The following TSPAN1 variants were observed in gnomAD, a reference collection of about 807,000 sequenced individuals.
TSPAN1 encodes the protein tetraspanin-1.
TSPAN1 carries 23 observed loss-of-function variants against 26.9 expected under a neutral mutation model. That is an observed-to-expected ratio of 0.85 (90% CI 0.62 to 1.21). The LOEUF (loss-of-function observed/expected upper bound fraction) is 1.21. Among genes scored for constraint, TSPAN1 ranks in the 50% most tolerant of loss-of-function variants. The pLI is 0.00. For missense variants in TSPAN1, 283 were observed against 298.4 expected (o/e 0.95, Z 0.38); for synonymous variants, 115 against 114.8 (o/e 1.00, Z -0.01).
At chr1:46,188,933 T>G (rs1210082344), downstream of TSPAN1, 3 of 1,612,838 alleles carry the variant, frequency 1.9e-6, no homozygotes, top group Non-Finnish European at 2.5e-6. Flanking sequence ...CGGCCTGTTT[T>G]CAAGGCCCTC....
chr1:46,193,413 C>G, the TSPAN1 span: 2 of 1,607,980 alleles, frequency 1.2e-6, no homozygotes, highest in African/African-American at 2.7e-5. Flanking sequence ...CACTGCTCAC[C>G]ATGTGAGGTC....
At chr1:46,181,553 A>C (rs1156598618) in intron 3 of TSPAN1, among the ~76,000 whole-genome samples, 2 of 152,206 alleles carry the variant, frequency 1.3e-5, no homozygotes, top group Admixed American at 1.3e-4. Context: ...TACAGAGGAA[A>C]TTCTTCTGTA....
chr1:46,183,849 T>G (rs750757968), intron 3 of TSPAN1: 3 of 393,046 alleles, frequency 7.6e-6, no homozygotes, highest in Non-Finnish European at 9.6e-6. Context: ...AGAAAGGAAA[T>G]AGGAGGCTGG....
At chr1:46,179,964 A>AGAGTGTGTGTGTGTGTGT (rs1657275164) in intron 1 of TSPAN1, among the ~76,000 whole-genome samples, 1 of 146,788 alleles carries the variant, frequency 6.8e-6, no homozygotes, top group African/African-American at 2.5e-5. Context: ...AGAAAGAGGG[A>AGAGTGTGTGTGTGTGTGT]GTGTGTGTGT....
chr1:46,179,545 CAG>C (rs1357122811), intron 1 of TSPAN1, among the ~76,000 whole-genome samples: 2 of 152,166 alleles, frequency 1.3e-5, no homozygotes, highest in African/African-American at 4.8e-5. Context: ...TCATAAGCGA[CAG>C]AGCCAGGATT....
At position 46,185,249 on chromosome 1, in the gene TSPAN1, G is replaced by T. The variant is rs144913574; in HGVS notation, c.619G>T (p.Asp207Tyr). Residue 207 changes from aspartate to tyrosine, a missense_variant, in exon 8 of 9, where the codon GAC becomes TAC. Coordinates refer to ENST00000372003, the MANE Select transcript of TSPAN1 (RefSeq NM_005727.4). ...VEGCFNQLLY[D>Y]IRTNAVTVGG... ...GGGTTGCTTCAATCAGCTTTTGTATGACATCCGAACTAATGCAGTCACCGT... is the reference window on the plus strand; with the variant it reads ...GGGTTGCTTCAATCAGCTTTTGTATTACATCCGAACTAATGCAGTCACCGT... 5.6e-6 allele frequency: 9 copies of T among 1,614,024 alleles called. No homozygotes were observed. The African/African-American group carries it at 1.1e-4, about 19-fold the overall frequency.
At chr1:46,190,917 T>C (rs185216739), downstream of TSPAN1, 2,800 of 828,722 alleles carry the variant, frequency 3.4e-3, 11 homozygotes, top group Non-Finnish European at 4.7e-3. Flanking sequence ...TTTCCCACCG[T>C]CTTCTCCATC....
chr1:46,194,508 A>T, the TSPAN1 span: 1 of 1,613,650 alleles, frequency 6.2e-7, no homozygotes, highest in South Asian at 1.1e-5. Context: ...CTAAATGCCC[A>T]CCCCCAGCCC....
chr1:46,190,112 T>C (rs1289177593), downstream of TSPAN1: 1 of 1,236,380 alleles, frequency 8.1e-7, no homozygotes, highest in South Asian at 1.5e-5. Flanking sequence ...TTTTTTTTTT[T>C]TTTTGAGATG....
At chr1:46,192,768 G>T in the TSPAN1 span, 1 of 1,580,326 alleles carries the variant, frequency 6.3e-7, no homozygotes. Context: ...CCCAACACCT[G>T]CCATCCTACC....
the TSPAN1 span, chr1:46,195,108 T>C: frequency 3.9e-6 from 3 of 765,352 alleles, no homozygotes; most frequent in Admixed American, 4.4e-5. Context: ...CTTTCACAGA[T>C]AAAATAATAA....
intron 1 of TSPAN1, among the ~76,000 whole-genome samples, chr1:46,179,314 G>GAA (rs746283866): frequency 3.2e-5 from 4 of 126,484 alleles, no homozygotes; most frequent in Admixed American, 8.1e-5. Context: ...CCCTGTCTCA[G>GAA]AAAAAAAAAA....
At chr1:46,177,349 ATATATCTATC>A (rs1466063751) in intron 1 of TSPAN1, among the ~76,000 whole-genome samples, 2 of 91,634 alleles carry the variant, frequency 2.2e-5, no homozygotes, top group East Asian at 5.5e-4. Flanking sequence ...AAAAAAAAAA[ATATATCTATC>A]TATCTATCTA....
chr1:46,192,616 C>A, the TSPAN1 span: 9 of 1,612,668 alleles, frequency 5.6e-6, no homozygotes, highest in South Asian at 1.1e-5. Flanking sequence ...TCAAAGAGTT[C>A]AGGGAGGGAC....
downstream of TSPAN1, chr1:46,189,132 GT>G: frequency 6.7e-7 from 1 of 1,492,078 alleles, no homozygotes; most frequent in South Asian, 1.4e-5. Flanking sequence ...TCCCCTTGGA[GT>G]TAGTAATTAA....
In TSPAN1 at chr1:46,184,629, G is replaced by C. The variant is rs1424441421; in HGVS notation, c.300G>C (p.Glu100Asp). Residue 100 changes from glutamate (E) to aspartate (D), a missense_variant, in exon 5 of 9, where the codon GAG becomes GAC. Physicochemically the swap from Glu to Asp is conservative, Grantham distance 45. Transcript: ENST00000372003. The part of the protein sequence containing the change: ...FFILLLIFIA[E>D]VAAAVVALVY... ...TCCTCCTCCTCATCTTCATTGCTGAGGTTGCAGCTGCTGTGGTCGCCTTGG... is the reference window on the plus strand; with the variant it reads ...TCCTCCTCCTCATCTTCATTGCTGACGTTGCAGCTGCTGTGGTCGCCTTGG... 11 of 1,614,084 alleles carry C rather than the reference G, an allele frequency of 6.8e-6. No homozygotes were observed. Among genetic ancestry groups the C allele is most frequent in the Non-Finnish European group, 9.3e-6 (11 of 1,180,058 alleles).
chr1:46,189,329 T>A (rs757749808), downstream of TSPAN1: 35 of 1,613,538 alleles, frequency 2.2e-5, no homozygotes, highest in Non-Finnish European at 2.7e-5. Flanking sequence ...TCCAGGAAAA[T>A]TGGGGTGACT....
Position 46,184,399 on chromosome 1 carries a change from T to C in TSPAN1, c.264+2T>C, listed in dbSNP as rs1449582852. On this transcript the variant is annotated splice_donor_variant, in intron 4 of 8. Transcript: ENST00000372003. LOFTEE classifies it high-confidence loss of function. Reference sequence around the variant, plus strand: ...GAGAGCAAGTGTGCCCTCGTGACGGTGTGTGAAACCCAGCTCCACAGGCTG... The same window carrying C: ...GAGAGCAAGTGTGCCCTCGTGACGGCGTGTGAAACCCAGCTCCACAGGCTG... The C allele has an allele frequency of 6.2e-7, 1 of 1,614,004 alleles. No homozygotes were observed. Among genetic ancestry groups the C allele is most frequent in the East Asian group, 2.2e-5 (1 of 44,866 alleles).
the TSPAN1 span, chr1:46,193,086 A>G: frequency 1.9e-6 from 3 of 1,605,760 alleles, no homozygotes; most frequent in Admixed American, 5.0e-5. Context: ...AGGCCCAGTG[A>G]GGGGAAGAGC....
Sources: gnomAD v4.1 joint callset for allele counts (sites outside exome capture counted in the v4.1 genomes callset) on GRCh38, gnomAD v4.1.1 for gene constraint, MANE v1.5 for transcripts, NCBI Gene and HGNC (gene_info 2026-07-23, HGNC 2026-07-21) for gene names.